The following FLRT3 variants were observed in gnomAD, a reference collection of about 807,000 sequenced individuals.
The protein encoded by FLRT3 is leucine-rich repeat transmembrane protein FLRT3.
Under a neutral mutation model 42.6 loss-of-function variants are expected in FLRT3, and 17 were observed. That is an observed-to-expected ratio of 0.40 (90% confidence interval 0.27 to 0.60). The LOEUF is 0.60. FLRT3 is among the 20% of genes least tolerant of loss of function. FLRT3 has a pLI of 0.44. For synonymous variants in FLRT3, 279 were observed against 286.4 expected (o/e 0.97, Z 0.26); for missense variants, 635 against 789.2 (o/e 0.80, Z 2.34).
At position 14,325,745 on chromosome 20, in the gene FLRT3, C is replaced by T. The variant is rs777359374; in HGVS notation, c.1762G>A (p.Glu588Lys). The change falls in exon 3 of 3, where the codon GAA becomes AAA. Residue 588 changes from glutamate (E) to lysine (K), a missense_variant. Glu to Lys is a moderately conservative substitution (Grantham distance 56). Coordinates refer to ENST00000341420, the MANE Select transcript of FLRT3 (RefSeq NM_198391.3). ...AGTKKDNSILEIRETSFQMLP... is the reference protein window; with the variant it reads ...AGTKKDNSILKIRETSFQMLP... ...ATCTGAAAAGAAGTTTCCCTGATTTCCAGGATAGAGTTGTCCTTCTTAGTG... is the reference window on the plus strand; with the variant it reads ...ATCTGAAAAGAAGTTTCCCTGATTTTCAGGATAGAGTTGTCCTTCTTAGTG... 7 of 1,613,876 alleles carry T rather than the reference C, an allele frequency of 4.3e-6. No homozygotes were observed. In the South Asian group the frequency reaches 4.4e-5, roughly 10 times the overall value.
At chr20:14,334,933 T>C (rs1050314645) in intron 1 of FLRT3, among the ~76,000 whole-genome samples, 5 of 152,042 alleles carry the variant, frequency 3.3e-5, no homozygotes, top group Non-Finnish European at 7.4e-5. Flanking sequence ...AAAAGAGGCA[T>C]AGAAGTTAAG....
chr20:14,327,014 G>A lies in FLRT3; in HGVS notation c.493C>T (p.His165Tyr). The change falls in exon 3 of 3, where the codon CAC becomes TAC. Residue 165 changes from histidine (H) to tyrosine (Y), a missense_variant. Physicochemically the swap from His to Tyr is moderately conservative, Grantham distance 83. Transcript: ENST00000341420. ...YLRLLFLSRN[H>Y]LSTIPWGLPR... The stretch of plus-strand genomic sequence containing the variant: ...AAACCCCAGGGAATTGTGCTAAGGT[G>A]ATTACGGGACAGGAAAAGCAGTCGG... 1 of 1,613,750 alleles carries A rather than the reference G, an allele frequency of 6.2e-7. No individual in the cohort carries two copies. Among genetic ancestry groups the A allele is most frequent in the Non-Finnish European group, 8.5e-7 (1 of 1,179,784 alleles).
rs1361029281 is a variant in FLRT3 at position 14,326,055 on chromosome 20, G to A, written c.1452C>T (p.Thr484=). The change falls in exon 3 of 3, where the codon ACC becomes ACT. Residue 484 remains threonine, a synonymous_variant. Coordinates refer to ENST00000341420, the MANE Select transcript of FLRT3 (RefSeq NM_198391.3). This position sits in a 1 kb window ranked among gnomAD's most constrained non-coding sequence, Gnocchi z 5.5. Reference sequence around the variant, plus strand: ...TTTCATCAAATAGGTAGAGGTTGCTGGTTTCCATGGGAACCATGCATACTT... The same window carrying A: ...TTTCATCAAATAGGTAGAGGTTGCTAGTTTCCATGGGAACCATGCATACTT... ...PYKVCMVPME[T]SNLYLFDETP... The A allele has an allele frequency of 6.2e-7, 1 of 1,613,796 alleles. No individual in the cohort carries two copies. The highest frequency in any genetic ancestry group is 2.2e-5 in the East Asian group (1 of 44,880).
intron 2 of FLRT3, among the ~76,000 whole-genome samples, chr20:14,327,865 T>C (rs1185197797): frequency 2.0e-5 from 3 of 152,112 alleles, no homozygotes; most frequent in East Asian, 3.8e-4. Flanking sequence ...TTATACTTTA[T>C]ATCAACCTTT....
At chr20:14,329,673 G>T (rs1463433657) in intron 1 of FLRT3, among the ~76,000 whole-genome samples, 1 of 152,068 alleles carries the variant, frequency 6.6e-6, no homozygotes, top group Non-Finnish European at 1.5e-5. Context: ...ACAAGTACAT[G>T]TCAAAGAGGT....
rs532506585 is a variant in FLRT3, at chr20:14,323,629, G to A, written c.*1928C>T. On this transcript the variant is annotated 3_prime_UTR_variant, in exon 3 of 3. Coordinates refer to ENST00000341420, the MANE Select transcript of FLRT3 (RefSeq NM_198391.3). ...CATGTCTTGGTCTTTTCAATGATCA[G>A]ACTTTATCTTGAAGCTACCTAGGGC... The A allele has an allele frequency of 6.6e-6, 1 of 152,288 alleles. No homozygotes were observed. Among genetic ancestry groups the A allele is most frequent in the South Asian group, 2.1e-4 (1 of 4,824 alleles). The allele number at this position is 152,288 out of a possible 1,614,324, so 9.4% of individuals were successfully genotyped here.
Position 14,327,062 on chromosome 20 carries a change from C to T in FLRT3, c.445G>A (p.Ala149Thr). 6.2e-7 allele frequency: 1 copy of T among 1,613,708 alleles called. No homozygotes were observed. The highest frequency in any genetic ancestry group is 1.1e-5 in the South Asian group (1 of 91,064). Residue 149 changes from alanine (A) to threonine (T), a missense_variant, in exon 3 of 3, where the codon GCA becomes ACA. Coordinates refer to ENST00000341420, the MANE Select transcript of FLRT3 (RefSeq NM_198391.3). ...CGGAGATAGTTGCTGTCTCGGAATGCTCCCTCTTCTATGCTAACTGCAGAG... is the reference window on the plus strand; with the variant it reads ...CGGAGATAGTTGCTGTCTCGGAATGTTCCCTCTTCTATGCTAACTGCAGAG... ...SVSAVSIEEG[A>T]FRDSNYLRLL... is the part of the protein sequence containing the mutation.
rs369748001 is a variant in FLRT3 at position 14,326,599 on chromosome 20, C to T, written c.908G>A (p.Arg303His). The change falls in exon 3 of 3, where the codon CGC becomes CAC. Residue 303 changes from arginine (R) to histidine (H), a missense_variant. Arg to His is a conservative substitution (Grantham distance 29, BLOSUM62 0). Transcript: ENST00000341420. The surrounding 1 kb of genome is among the most constrained non-coding windows in gnomAD (Gnocchi z 5.5). ...GCACCCGCAATACCAGGGATTGTTG[C>T]GAAGAATCAGTTGTGTTATATTGTC... ...DLDNITQLILRNNPWYCGCKM... is the reference protein window; with the variant it reads ...DLDNITQLILHNNPWYCGCKM... The T allele has an allele frequency of 6.2e-6, 10 of 1,613,768 alleles. No individual in the cohort carries two copies. The highest frequency in any genetic ancestry group is 8.5e-6 in the Non-Finnish European group (10 of 1,179,830).
chr20:14,326,052 G>A lies in FLRT3; in HGVS notation c.1455C>T (p.Ser485=). The part of the protein sequence containing the change: ...YKVCMVPMET[S]NLYLFDETPV... ...GAGTTTCATCAAATAGGTAGAGGTTGCTGGTTTCCATGGGAACCATGCATA... is the reference window on the plus strand; with the variant it reads ...GAGTTTCATCAAATAGGTAGAGGTTACTGGTTTCCATGGGAACCATGCATA... Residue 485 remains serine, a synonymous_variant, in exon 3 of 3, where the codon AGC becomes AGT. Coordinates refer to ENST00000341420, the MANE Select transcript of FLRT3 (RefSeq NM_198391.3). This position sits in a 1 kb window ranked among gnomAD's most constrained non-coding sequence, Gnocchi z 5.5. 3 of 1,613,934 alleles carry A rather than the reference G, an allele frequency of 1.9e-6. No homozygotes were observed. Among genetic ancestry groups the A allele is most frequent in the Non-Finnish European group, 2.5e-6 (3 of 1,179,894 alleles).
At chr20:14,328,717 A>G (rs981617656) in intron 2 of FLRT3, among the ~76,000 whole-genome samples, 3 of 152,042 alleles carry the variant, frequency 2.0e-5, no homozygotes, top group African/African-American at 4.8e-5. Flanking sequence ...AAGTAATCCT[A>G]TGGCGTACAC....
Position 14,325,105 on chromosome 20 carries a change from A to G in FLRT3, c.*452T>C, listed in dbSNP as rs2082712747. 1 of 151,696 alleles carries G rather than the reference A, an allele frequency of 6.6e-6. No homozygotes were observed. Among genetic ancestry groups the G allele is most frequent in the Admixed American group, 6.6e-5 (1 of 15,136 alleles). The allele number at this position is 151,696 out of a possible 1,614,324, so 9.4% of individuals were successfully genotyped here. ...AAATTAAATTTTATCTCATTCAGCC[A>G]TTCAGCCAGTTTTTTTTTTTTACAT... On this transcript the variant is annotated 3_prime_UTR_variant, in exon 3 of 3. Coordinates refer to ENST00000341420, the MANE Select transcript of FLRT3 (RefSeq NM_198391.3).
At chr20:14,332,346 G>A (rs1215308975) in intron 1 of FLRT3, among the ~76,000 whole-genome samples, 2 of 152,042 alleles carry the variant, frequency 1.3e-5, no homozygotes, top group Non-Finnish European at 2.9e-5. Flanking sequence ...TAGAAAACTA[G>A]TATTTAAATA....
chr20:14,328,662 A>C (rs988532342), intron 2 of FLRT3, among the ~76,000 whole-genome samples: 4 of 152,202 alleles, frequency 2.6e-5, no homozygotes, highest in Admixed American at 2.0e-4. Context: ...ACTGGGACTT[A>C]TAAACTTTTG....
chr20:14,332,030 T>C (rs2082851794), intron 1 of FLRT3, among the ~76,000 whole-genome samples: 1 of 152,114 alleles, frequency 6.6e-6, no homozygotes, highest in African/African-American at 2.4e-5. Context: ...AATGAAGCCC[T>C]GGTAACTTAA....
Position 14,337,472 on chromosome 20 carries a change from G to C in FLRT3, c.-315C>G. The C allele has an allele frequency of 2.5e-6, 1 of 396,958 alleles. No individual in the cohort carries two copies. The highest frequency in any genetic ancestry group is 4.4e-6 in the Non-Finnish European group (1 of 225,194). The allele number at this position is 396,958 out of a possible 1,614,324, so 24.6% of individuals were successfully genotyped here. ...GCTGTAATTCCATTGACAGTGAATT[G>C]GAGTAATAGCCCTCCCCCGTCTCCC... On this transcript the variant is annotated 5_prime_UTR_variant, in exon 1 of 3. Coordinates refer to ENST00000341420, the MANE Select transcript of FLRT3 (RefSeq NM_198391.3).
At position 14,327,194 on chromosome 20, in the gene FLRT3, A is replaced by G. The variant is rs1486565329; in HGVS notation, c.313T>C (p.Tyr105His). The stretch of plus-strand genomic sequence containing the variant: ...TCTTGCAAATGTAACTCTTTTACAT[A>G]CTTTGGGAGGTTGGTAGGAAATTCA... ...LDEFPTNLPK[Y>H]VKELHLQENN... Residue 105 changes from tyrosine (Y) to histidine (H), a missense_variant, in exon 3 of 3, where the codon TAT (tyrosine) becomes CAT (histidine). Coordinates refer to ENST00000341420, the MANE Select transcript of FLRT3 (RefSeq NM_198391.3). The G allele has an allele frequency of 1.2e-6, 2 of 1,613,684 alleles. No individual in the cohort carries two copies. Among genetic ancestry groups the G allele is most frequent in the South Asian group, 2.2e-5 (2 of 91,064 alleles).
In FLRT3 at chr20:14,327,009, A is replaced by C; in HGVS notation, c.498T>G (p.Leu166=). ...LRLLFLSRNH[L]STIPWGLPRT... ...TGGGCAAACCCCAGGGAATTGTGCT[A>C]AGGTGATTACGGGACAGGAAAAGCA... Residue 166 remains leucine, a synonymous_variant, in exon 3 of 3, where the codon CTT becomes CTG. Transcript: ENST00000341420. 6.2e-7 allele frequency: 1 copy of C among 1,613,754 alleles called. No homozygotes were observed. The highest frequency in any genetic ancestry group is 1.1e-5 in the South Asian group (1 of 91,076).
rs757500775 is a variant in FLRT3, at chr20:14,326,823, T to C, written c.684A>G (p.Thr228=). ...GGGAATTCCGCACCAGGGACAGCTC[T>C]GTCAAATTAACTAGGTTGAAGAAAA... ...DKVFFNLVNL[T]ELSLVRNSLT... Residue 228 remains threonine (T), a synonymous_variant, in exon 3 of 3, where the codon ACA becomes ACG. Transcript: ENST00000341420. The surrounding 1 kb of genome is among the most constrained non-coding windows in gnomAD (Gnocchi z 5.5). 2 of 1,613,776 alleles carry C rather than the reference T, an allele frequency of 1.2e-6. No individual in the cohort carries two copies. Among genetic ancestry groups the C allele is most frequent in the Admixed American group, 3.3e-5 (2 of 59,964 alleles).
rs2082715119 is a variant in FLRT3, at chr20:14,325,240, AG to A, written c.*316del. 1 of 192,478 alleles carries A rather than the reference AG, an allele frequency of 5.2e-6. No homozygotes were observed. The allele number at this position is 192,478 out of a possible 1,614,324, so 11.9% of individuals were successfully genotyped here. A position where few individuals can be genotyped will look rare whatever the true frequency, so the allele number is the denominator to read the frequency against. ...AGAAAATTCACTTTCACAGTCAACA[AG>A]TCATCTTACTCAGTAGAACACAAAG... is the stretch of plus-strand genomic sequence containing the variant. On this transcript the variant is annotated 3_prime_UTR_variant, in exon 3 of 3. Transcript: ENST00000341420.
Sources: allele counts gnomAD v4.1 joint callset (sites outside exome capture counted in the v4.1 genomes callset), GRCh38; gene constraint gnomAD v4.1.1; non-coding constraint Gnocchi (gnomAD v3.1); transcripts MANE v1.5; gene names NCBI Gene and HGNC (gene_info 2026-07-23, HGNC 2026-07-21).